Variants in KIAA0825 observed in about 807,000 individuals in gnomAD.
KIAA0825 encodes the protein uncharacterized protein KIAA0825.
In KIAA0825, 119 loss-of-function variants were observed where a neutral mutation model predicts 147.6. The ratio of observed to expected loss-of-function variants is 0.81; its 90% CI spans 0.69 to 0.94. The LOEUF (loss-of-function observed/expected upper bound fraction) is 0.94, where lower values mean the gene tolerates loss of function less well. KIAA0825 is among the 40% of genes least tolerant of loss of function. The pLI is 0.00. For missense variants in KIAA0825, 1,381 were observed against 1,472.7 expected (o/e 0.94, Z 1.02); for synonymous variants, 470 against 518.1 (o/e 0.91, Z 1.26).
At chr5:94,429,401 C>CCCTTTT (rs1457818917) in intron 14 of KIAA0825, among the ~76,000 whole-genome samples, 4 of 151,504 alleles carry the variant, frequency 2.6e-5, no homozygotes, top group Non-Finnish European at 5.9e-5. Flanking sequence ...CTTTCCCTTT[C>CCCTTTT]CCTTTTCCCC....
In KIAA0825 at chr5:94,396,305, G is replaced by A; in HGVS notation, c.3092C>T (p.Thr1031Ile). Residue 1031 changes from threonine to isoleucine, a missense_variant, in exon 17 of 21, where the codon ACT becomes ATT. Transcript: ENST00000682413. ...IICRIFEDGN[T>I]VELLTGASLD... Reference sequence around the variant, plus strand: ...AGAGGCACCTGTTAAAAGTTCCACAGTGTTTCCGTCCTCAAATATCCGACA... The same window carrying A: ...AGAGGCACCTGTTAAAAGTTCCACAATGTTTCCGTCCTCAAATATCCGACA... 6.4e-7 allele frequency: 1 copy of A among 1,550,714 alleles called. No individual in the cohort carries two copies. Among genetic ancestry groups the A allele is most frequent in the Non-Finnish European group, 8.7e-7 (1 of 1,146,634 alleles).
chr5:94,195,747 T>C (rs186643887), intron 20 of KIAA0825, among the ~76,000 whole-genome samples: 2 of 152,284 alleles, frequency 1.3e-5, no homozygotes, highest in East Asian at 3.9e-4. Flanking sequence ...TATAAAGTTG[T>C]ATAAAATTAA....
At chr5:94,393,661 A>AT (rs1247128083) in intron 17 of KIAA0825, among the ~76,000 whole-genome samples, 2 of 152,088 alleles carry the variant, frequency 1.3e-5, no homozygotes, top group African/African-American at 4.8e-5. Flanking sequence ...ATACTCATAT[A>AT]TTTTTTTAAA....
intron 20 of KIAA0825, among the ~76,000 whole-genome samples, chr5:94,158,352 T>C (rs1348974538): frequency 6.6e-6 from 1 of 152,058 alleles, no homozygotes; most frequent in East Asian, 1.9e-4. Context: ...GTTTGCCAAA[T>C]TTGCGCTAGA....
chr5:94,489,347 T>C (rs1420928301), intron 5 of KIAA0825, among the ~76,000 whole-genome samples: 1 of 152,150 alleles, frequency 6.6e-6, no homozygotes, highest in African/African-American at 2.4e-5. Context: ...CCAGAATTAA[T>C]GAATCAGCGT....
intron 1 of KIAA0825, among the ~76,000 whole-genome samples, chr5:94,614,280 T>C (rs1789771139): frequency 6.6e-6 from 1 of 152,222 alleles, no homozygotes; most frequent in Non-Finnish European, 1.5e-5. Flanking sequence ...AAGTTATTTC[T>C]GAGTGGTGGG....
chr5:94,226,489 A>AT (rs1417065031), intron 20 of KIAA0825, among the ~76,000 whole-genome samples: 14 of 152,298 alleles, frequency 9.2e-5, no homozygotes, highest in Non-Finnish European at 1.3e-4. Context: ...TAGAAATACC[A>AT]TTTGACCCAG....
chr5:94,346,216 C>G (rs950057205), intron 20 of KIAA0825, among the ~76,000 whole-genome samples: 4 of 152,066 alleles, frequency 2.6e-5, no homozygotes, highest in African/African-American at 9.7e-5. Flanking sequence ...TGAGTGGAAA[C>G]CAGCTACAAA....
chr5:94,403,254 TACTCA>T (rs1313776725), intron 16 of KIAA0825, among the ~76,000 whole-genome samples: 2 of 152,212 alleles, frequency 1.3e-5, no homozygotes, highest in African/African-American at 4.8e-5. Flanking sequence ...GATTTTAAGT[TACTCA>T]ACAAATTTTG....
At chr5:94,554,209 C>A (rs1776098674) in intron 2 of KIAA0825, among the ~76,000 whole-genome samples, 1 of 152,178 alleles carries the variant, frequency 6.6e-6, no homozygotes, top group Non-Finnish European at 1.5e-5. Flanking sequence ...ACTTGGCAGA[C>A]TCCTTACTCA....
intron 20 of KIAA0825, among the ~76,000 whole-genome samples, chr5:94,339,608 C>T (rs1022658628): frequency 1.3e-5 from 2 of 152,192 alleles, no homozygotes; most frequent in African/African-American, 2.4e-5. Context: ...AGCCTGATGT[C>T]TCACCAGGCA....
At chr5:94,538,352 GAAGT>G (rs1160702377) in intron 2 of KIAA0825, among the ~76,000 whole-genome samples, 1 of 152,226 alleles carries the variant, frequency 6.6e-6, no homozygotes, top group Non-Finnish European at 1.5e-5. Context: ...TATGGGGAAA[GAAGT>G]AAGTGGGAAA....
chr5:94,259,047 A>G (rs1776372049), intron 20 of KIAA0825, among the ~76,000 whole-genome samples: 1 of 152,024 alleles, frequency 6.6e-6, no homozygotes, highest in South Asian at 2.1e-4. Context: ...ATGCAGATTA[A>G]CTTTTCCCAA....
At chr5:94,445,620 A>C (rs2150871805) in intron 13 of KIAA0825, among the ~76,000 whole-genome samples, 1 of 152,310 alleles carries the variant, frequency 6.6e-6, no homozygotes, top group Middle Eastern at 3.4e-3. Context: ...CGAGTATGCA[A>C]ACCAATGTGA....
intron 20 of KIAA0825, among the ~76,000 whole-genome samples, chr5:94,370,995 G>A (rs1316761396): frequency 6.6e-6 from 1 of 152,090 alleles, no homozygotes; most frequent in African/African-American, 2.4e-5. Flanking sequence ...AATAAAAACA[G>A]AAATGCTTCA....
At chr5:94,391,746 G>A (rs1749925884) in intron 17 of KIAA0825, 52 bp from the exon 18 acceptor site, 11 of 1,373,400 alleles carry the variant, frequency 8.0e-6, no homozygotes, top group Non-Finnish European at 1.1e-5. Context: ...TGTAAAGATG[G>A]AGAGTAATCA....
At chr5:94,324,232 GAAAACTCCTAATGCATTTCATTACAAT>G (rs1780468519) in intron 20 of KIAA0825, among the ~76,000 whole-genome samples, 1 of 152,044 alleles carries the variant, frequency 6.6e-6, no homozygotes, top group East Asian at 1.9e-4. Flanking sequence ...TTCAAGTGAA[GAAAACTCCTAATGCATTTCATTACAAT>G]GTATGCGAAC....
At chr5:94,595,213 T>C (rs138855360) in intron 1 of KIAA0825, among the ~76,000 whole-genome samples, 1 of 152,222 alleles carries the variant, frequency 6.6e-6, no homozygotes, top group East Asian at 1.9e-4. Context: ...CTGGCAGAGG[T>C]TCTCCATGAG....
intron 20 of KIAA0825, among the ~76,000 whole-genome samples, chr5:94,158,590 A>C (rs1198567448): frequency 6.6e-6 from 1 of 152,194 alleles, no homozygotes; most frequent in Non-Finnish European, 1.5e-5. Flanking sequence ...AATATTGAAT[A>C]AGAATAGGTA....
Sources: allele counts gnomAD v4.1 joint callset (sites outside exome capture counted in the v4.1 genomes callset), GRCh38; gene constraint gnomAD v4.1.1; transcripts MANE v1.5; gene names NCBI Gene and HGNC (gene_info 2026-07-23, HGNC 2026-07-21).